Variants in KCNQ5 observed in about 807,000 individuals in gnomAD.
KCNQ5 encodes potassium voltage-gated channel subfamily KQT member 5.
Under a neutral mutation model 98.2 loss-of-function variants are expected in KCNQ5, and 30 were observed. The observed-to-expected ratio is 0.31, with a 90% CI of 0.23 to 0.41. The LOEUF is 0.41. KCNQ5 is among the 10% of genes least tolerant of loss of function. The pLI is 1.00. For synonymous variants in KCNQ5, 458 were observed against 449.4 expected (o/e 1.02, Z -0.24); for missense variants, 835 against 1,182.5 (o/e 0.71, Z 4.31).
intron 10 of KCNQ5, among the ~76,000 whole-genome samples, chr6:73,156,365 G>A (rs1450065864): frequency 6.6e-6 from 1 of 152,242 alleles, no homozygotes; most frequent in Non-Finnish European, 1.5e-5. Flanking sequence ...TGGGCGCAGT[G>A]ACTCATGCCT....
At chr6:72,827,356 C>T (rs1776052687) in intron 1 of KCNQ5, among the ~76,000 whole-genome samples, 1 of 151,920 alleles carries the variant, frequency 6.6e-6, no homozygotes, top group African/African-American at 2.4e-5. Context: ...GTATAATATA[C>T]AGTTCCCTTT....
chr6:72,874,985 T>C (rs2150166584), intron 1 of KCNQ5, among the ~76,000 whole-genome samples: 1 of 152,330 alleles, frequency 6.6e-6, no homozygotes, highest in South Asian at 2.1e-4. Flanking sequence ...TTTGGGGATG[T>C]GGTTCTGGAA....
chr6:73,190,981 T>A lies in KCNQ5; in HGVS notation c.1709+277T>A, dbSNP rs574101269. 2.6e-5 allele frequency among the ~76,000 whole-genome samples: 4 copies of A among 152,352 alleles called. No individual in the cohort carries two copies. In the East Asian group the frequency reaches 7.7e-4, roughly 29 times the overall value. The stretch of plus-strand genomic sequence containing the variant: ...TTGTCATGAGGATTGAACAAGTTAA[T>A]GCATGTAATTCATAACATGTAACAG... On this transcript the variant is annotated intron_variant, in intron 12 of 13. Coordinates refer to ENST00000370398, the MANE Select transcript of KCNQ5 (RefSeq NM_019842.4).
intron 1 of KCNQ5, among the ~76,000 whole-genome samples, chr6:72,674,727 G>GT (rs1767322759): frequency 6.6e-6 from 1 of 152,120 alleles, no homozygotes; most frequent in Non-Finnish European, 1.5e-5. Flanking sequence ...CTGAGATCGC[G>GT]TCACTGCATT....
intron 1 of KCNQ5, among the ~76,000 whole-genome samples, chr6:72,632,339 C>T (rs181141067): frequency 3.2e-4 from 49 of 152,084 alleles, no homozygotes; most frequent in Admixed American, 2.7e-3. Context: ...GACGGGGTTT[C>T]ACCGTGTTAG....
intron 1 of KCNQ5, among the ~76,000 whole-genome samples, chr6:72,924,455 C>T (rs541915489): frequency 1.2e-4 from 18 of 152,138 alleles, no homozygotes; most frequent in South Asian, 2.1e-4. Flanking sequence ...AAGATAAAAG[C>T]GCCTCTTAAG....
rs149289524 is a variant in KCNQ5 at position 73,089,515 on chromosome 6, C to A, written c.918+11628C>A. 7.9e-3 allele frequency among the ~76,000 whole-genome samples: 1,203 copies of A among 152,244 alleles called. 16 individuals are homozygous for A. Among genetic ancestry groups the A allele is most frequent in the African/African-American group, 0.027 (1,109 of 41,528 alleles). ...GATTTTGGTGCACCCATCACCCAAG[C>A]AGTATACACTGCACCCTATTTGTAG... On this transcript the variant is annotated intron_variant, in intron 5 of 13. Coordinates refer to ENST00000370398, the MANE Select transcript of KCNQ5 (RefSeq NM_019842.4).
At chr6:72,736,357 T>C (rs777281030) in intron 1 of KCNQ5, among the ~76,000 whole-genome samples, 27 of 152,058 alleles carry the variant, frequency 1.8e-4, no homozygotes, top group Non-Finnish European at 3.5e-4. Context: ...TATGGTTCAA[T>C]AGTAGTAGTG....
intron 11 of KCNQ5, among the ~76,000 whole-genome samples, chr6:73,170,673 C>G (rs1175216513): frequency 1.3e-5 from 2 of 151,964 alleles, no homozygotes; most frequent in Admixed American, 1.3e-4. Context: ...GTGCCTCATG[C>G]CTGTAATCCC....
chr6:72,964,647 T>C (rs1562097404), intron 1 of KCNQ5, among the ~76,000 whole-genome samples: 1 of 152,230 alleles, frequency 6.6e-6, no homozygotes, highest in Non-Finnish European at 1.5e-5. Flanking sequence ...GAATTTTACA[T>C]ATTTTGAAAT....
At chr6:72,976,143 C>A (rs970311313) in intron 1 of KCNQ5, among the ~76,000 whole-genome samples, 5 of 152,098 alleles carry the variant, frequency 3.3e-5, no homozygotes, top group Non-Finnish European at 7.3e-5. Flanking sequence ...TACTTTAGTT[C>A]CCAATAATCA....
chr6:72,632,676 T>C (rs2098921675), intron 1 of KCNQ5, among the ~76,000 whole-genome samples: 1 of 152,204 alleles, frequency 6.6e-6, no homozygotes, highest in Non-Finnish European at 1.5e-5. Flanking sequence ...TGAGAATATG[T>C]GGTACTTGGT....
intron 10 of KCNQ5, among the ~76,000 whole-genome samples, chr6:73,160,152 T>TTC (rs763016233): frequency 3.3e-5 from 5 of 151,664 alleles, no homozygotes; most frequent in Admixed American, 6.6e-5. Context: ...TAGCTGGGAC[T>TTC]ACAGGCACCC....
chr6:72,756,294 ACAT>A (rs1771965901), intron 1 of KCNQ5, among the ~76,000 whole-genome samples: 1 of 152,154 alleles, frequency 6.6e-6, no homozygotes, highest in Non-Finnish European at 1.5e-5. Context: ...GTAATTTTGT[ACAT>A]CTTCTGGCTT....
intron 1 of KCNQ5, among the ~76,000 whole-genome samples, chr6:73,001,313 T>G (rs183879440): frequency 6.6e-6 from 1 of 152,342 alleles, no homozygotes; most frequent in East Asian, 1.9e-4. Flanking sequence ...TGGTAAGAAT[T>G]TGTAGACCAT....
In KCNQ5 at chr6:73,077,389, G is replaced by A. The variant is rs200076322; in HGVS notation, c.684G>A (p.Thr228=). The change falls in exon 4 of 14, where the codon ACG becomes ACA. Residue 228 remains threonine (T), a synonymous_variant. Transcript: ENST00000370398. ...AAACTCAGGGTAATATTTTTGCCAC[G>A]TCTGCACTCAGAAGTCTCCGTTTCC... ...SAKTQGNIFA[T]SALRSLRFLQ... 61 of 1,614,042 alleles carry A rather than the reference G, an allele frequency of 3.8e-5. No individual in the cohort carries two copies. Among genetic ancestry groups the A allele is most frequent in the Admixed American group, 1.7e-4 (10 of 60,014 alleles).
chr6:72,877,742 T>C (rs1039583897), intron 1 of KCNQ5, among the ~76,000 whole-genome samples: 1 of 152,224 alleles, frequency 6.6e-6, no homozygotes, highest in African/African-American at 2.4e-5. Flanking sequence ...TTCCTGACTT[T>C]TTAATGATTG....
chr6:73,075,333 A>T (rs368302734), intron 3 of KCNQ5, among the ~76,000 whole-genome samples: 1 of 150,586 alleles, frequency 6.6e-6, no homozygotes. Flanking sequence ...AGGGATTCTC[A>T]TGCCTCAGCC....
intron 1 of KCNQ5, among the ~76,000 whole-genome samples, chr6:72,962,200 T>TATAC (rs1449731738): frequency 6.0e-5 from 6 of 99,968 alleles, no homozygotes; most frequent in Admixed American, 1.0e-4. Context: ...TATATATATA[T>TATAC]ACATATATAT....
Sources: allele counts gnomAD v4.1 joint callset (sites outside exome capture counted in the v4.1 genomes callset), GRCh38; gene constraint gnomAD v4.1.1; transcripts MANE v1.5; gene names NCBI Gene and HGNC (gene_info 2026-07-23, HGNC 2026-07-21).